Variants in MGST1 observed in about 807,000 individuals in gnomAD.
The protein encoded by MGST1 is glutathione S-transferase 12.
In MGST1, 5 loss-of-function variants were observed where a neutral mutation model predicts 8.9. The observed-to-expected ratio is 0.56, with a 90% CI of 0.29 to 1.19. The LOEUF (loss-of-function observed/expected upper bound fraction) is 1.19. Ranked by LOEUF, MGST1 falls within the 50% of genes most tolerant of loss-of-function variation. MGST1 has a pLI of 0.08. For synonymous variants in MGST1, 54 were observed against 67.8 expected, an observed-to-expected ratio of 0.80 and a Z score of 1.00; for missense variants, 182 against 187.4, an observed-to-expected ratio of 0.97 and a Z score of 0.17.
chr12:16,510,712 T>C (rs565423802), intron 4 of MGST1, among the ~76,000 whole-genome samples: 1 of 152,308 alleles, frequency 6.6e-6, no homozygotes, highest in Non-Finnish European at 1.5e-5. Context: ...ATTTTAGGTC[T>C]TACTACAGGC....
chr12:16,421,647 T>G (rs1321077301), intron 1 of MGST1, among the ~76,000 whole-genome samples: 1 of 152,182 alleles, frequency 6.6e-6, no homozygotes, highest in African/African-American at 2.4e-5. Flanking sequence ...ACCTGTAGTT[T>G]CTGGATGGTG....
intron 4 of MGST1, among the ~76,000 whole-genome samples, chr12:16,489,440 G>A (rs1941422860): frequency 6.6e-6 from 1 of 152,052 alleles, no homozygotes; most frequent in Non-Finnish European, 1.5e-5. Context: ...CTCATAATGG[G>A]ATATCTGGGT....
chr12:16,368,056 C>T (rs1026649680), downstream of MGST1, among the ~76,000 whole-genome samples: 1 of 152,052 alleles, frequency 6.6e-6, no homozygotes, highest in South Asian at 2.1e-4. Flanking sequence ...AGGAGGTTAA[C>T]GATCAAAAGG....
intron 4 of MGST1, among the ~76,000 whole-genome samples, chr12:16,571,051 AAATC>A (rs1295934525): frequency 2.0e-5 from 3 of 152,250 alleles, no homozygotes; most frequent in African/African-American, 7.2e-5. Flanking sequence ...AATTTTAAAA[AAATC>A]TATTATCTAC....
At chr12:16,352,435 G>A (rs1939511212) in intron 1 of MGST1, among the ~76,000 whole-genome samples, 1 of 152,152 alleles carries the variant, frequency 6.6e-6, no homozygotes, top group South Asian at 2.1e-4. Context: ...AGAAGAGACA[G>A]TACTACATGC....
rs572482354 is a variant in MGST1, at chr12:16,409,320, C to T, written n.778+25716C>T. 6.6e-5 allele frequency among the ~76,000 whole-genome samples: 10 copies of T among 151,654 alleles called. No homozygotes were observed. In the South Asian group the frequency reaches 2.1e-3, roughly 32 times the overall value. ...TGTGTGTATATGCATACACACATAT[C>T]CACACACACACCTATATATATTCTG... is the stretch of plus-strand genomic sequence containing the variant. On this transcript the variant is annotated intron_variant and non_coding_transcript_variant, in intron 1 of 1. Coordinates refer to the MGST1 transcript ENST00000359720.
Position 16,503,030 on chromosome 12 carries a change from A to C in MGST1, n.483-86498A>C, listed in dbSNP as rs1941514867. ...TAGAGCAGTATGACATTAGGAGTAGAATATGAATGACAAGTCAAATACAAT... is the reference window on the plus strand; with the variant it reads ...TAGAGCAGTATGACATTAGGAGTAGCATATGAATGACAAGTCAAATACAAT... On this transcript the variant is annotated intron_variant and non_coding_transcript_variant, in intron 4 of 4. Coordinates refer to the MGST1 transcript ENST00000538857. The surrounding 1 kb of genome is among the most constrained non-coding windows in gnomAD (Gnocchi z 4.8). Among the ~76,000 whole-genome samples, 1 of 152,182 alleles carries C rather than the reference A, an allele frequency of 6.6e-6. No individual in the cohort carries two copies. The highest frequency in any genetic ancestry group is 6.5e-5 in the Admixed American group (1 of 15,280).
At chr12:16,578,287 C>T (rs766066) in intron 4 of MGST1, among the ~76,000 whole-genome samples, 39,504 of 152,078 alleles carry the variant, frequency 0.26, 6,272 homozygotes, top group South Asian at 0.39. Context: ...CTTGTATAAA[C>T]TACTCAAGTT....
At chr12:16,577,396 A>C (rs1288333122) in intron 4 of MGST1, among the ~76,000 whole-genome samples, 2 of 152,170 alleles carry the variant, frequency 1.3e-5, no homozygotes, top group East Asian at 3.8e-4. Flanking sequence ...TTTCCTAAGT[A>C]GTTGGCAGTT....
intron 4 of MGST1, among the ~76,000 whole-genome samples, chr12:16,566,076 A>G (rs1245643399): frequency 7.3e-6 from 1 of 137,164 alleles, no homozygotes; most frequent in Non-Finnish European, 1.6e-5. Flanking sequence ...AAAGAATGAA[A>G]TCCTGTCATT....
chr12:16,550,393 C>T (rs190201837), intron 4 of MGST1: 16 of 152,340 alleles, frequency 1.1e-4, no homozygotes, highest in Admixed American at 7.9e-4. Context: ...CACTAGTTCA[C>T]ATAAGGGGTG....
chr12:16,487,684 G>A (rs1328580025), intron 4 of MGST1, among the ~76,000 whole-genome samples: 1 of 152,154 alleles, frequency 6.6e-6, no homozygotes, highest in African/African-American at 2.4e-5. Context: ...ATCTTGCTCT[G>A]TTGCCCAGGC....
chr12:16,349,047 T>C (rs1748268264), intron 1 of MGST1: 3 of 152,052 alleles, frequency 2.0e-5, no homozygotes. Flanking sequence ...GTGGGCTGAG[T>C]CTGCAGCCAC....
chr12:16,388,743 A>T (rs898931891), intron 1 of MGST1, among the ~76,000 whole-genome samples: 5 of 152,218 alleles, frequency 3.3e-5, no homozygotes, highest in African/African-American at 1.2e-4. Context: ...TGGCCTAGGC[A>T]TTATCACAGG....
Position 16,555,368 on chromosome 12 carries a change from G to C in MGST1, n.483-34160G>C, listed in dbSNP as rs1942156137. 6.6e-6 allele frequency among the ~76,000 whole-genome samples: 1 copy of C among 151,724 alleles called. No homozygotes were observed. Among genetic ancestry groups the C allele is most frequent in the South Asian group, 2.1e-4 (1 of 4,802 alleles). The stretch of plus-strand genomic sequence containing the variant: ...ATTTATTGGTGTATTGTTTATTTTG[G>C]TGTTTCAAAATTTCTCATGAATGTG... On this transcript the variant is annotated intron_variant and non_coding_transcript_variant, in intron 4 of 4. Coordinates refer to the MGST1 transcript ENST00000538857. This position sits in a 1 kb window ranked among gnomAD's most constrained non-coding sequence, Gnocchi z 5.5.
At chr12:16,454,172 C>T (rs1941151337) in intron 4 of MGST1, among the ~76,000 whole-genome samples, 2 of 151,870 alleles carry the variant, frequency 1.3e-5, no homozygotes, top group Admixed American at 1.3e-4. Flanking sequence ...TAAGTTCAAA[C>T]ACAATACGCT....
intron 4 of MGST1, among the ~76,000 whole-genome samples, chr12:16,515,078 G>T (rs1378347027): frequency 2.6e-5 from 4 of 152,302 alleles, no homozygotes; most frequent in African/African-American, 4.8e-5. Flanking sequence ...ACCTAGTTCT[G>T]TCATGAACAG....
downstream of MGST1, among the ~76,000 whole-genome samples, chr12:16,442,582 A>G (rs974487873): frequency 4.0e-5 from 6 of 151,870 alleles, no homozygotes; most frequent in East Asian, 5.8e-4. The surrounding 1 kb of genome is among the most constrained non-coding windows in gnomAD (Gnocchi z 4.5). Context: ...TATTTTCTCT[A>G]TGTATTGCCT....
rs1943347691 is a variant in MGST1 at position 16,587,204 on chromosome 12, A to C, written n.483-2324A>C. ...TATATTCATAAGCTACACACACGAA[A>C]ATGAAATGAACAAAGTGATTCAGAT... On this transcript the variant is annotated intron_variant and non_coding_transcript_variant, in intron 4 of 4. Transcript: ENST00000538857. This position sits in a 1 kb window ranked among gnomAD's most constrained non-coding sequence, Gnocchi z 4.3. Among the ~76,000 whole-genome samples, 1 of 152,164 alleles carries C rather than the reference A, an allele frequency of 6.6e-6. No individual in the cohort carries two copies.
Sources: gnomAD v4.1 joint callset for allele counts (sites outside exome capture counted in the v4.1 genomes callset) on GRCh38, gnomAD v4.1.1 for gene constraint, Gnocchi (gnomAD v3.1) non-coding constraint, MANE v1.5 for transcripts, NCBI Gene and HGNC (gene_info 2026-07-23, HGNC 2026-07-21) for gene names.